TESC: variants seen among roughly 807,000 people sequenced by gnomAD.
The protein encoded by TESC is tescalcin.
Under a neutral mutation model 31.0 loss-of-function variants are expected in TESC, and 19 were observed. The ratio of observed to expected loss-of-function variants is 0.61; its 90% CI spans 0.43 to 0.90. TESC has a LOEUF of 0.90. Ranked by LOEUF, TESC falls within the 40% of genes least tolerant of loss-of-function variation. The probability of loss-of-function intolerance (pLI) is 0.00; values close to 1 mark genes in which losing one functional copy is unlikely to be tolerated. For synonymous variants in TESC, 109 were observed against 114.8 expected, an observed-to-expected ratio of 0.95 and a Z score of 0.32; for missense variants, 248 against 303.8, an observed-to-expected ratio of 0.82 and a Z score of 1.36.
Position 117,054,896 on chromosome 12 carries a change from C to T in TESC, c.209+1910G>A, listed in dbSNP as rs566061417. The stretch of plus-strand genomic sequence containing the variant: ...CTGGCGGGCCTCACTGTGTCTGCCA[C>T]AGGCCCCAGCAGCATGGGGAGGGTA... On this transcript the variant is annotated intron_variant, in intron 3 of 7. Transcript: ENST00000335209. 1.4e-4 allele frequency among the ~76,000 whole-genome samples: 22 copies of T among 152,318 alleles called. 1 individual carries two copies. The highest frequency in any genetic ancestry group is 9.8e-4 in the Admixed American group (15 of 15,310).
intron 1 of TESC, among the ~76,000 whole-genome samples, chr12:117,088,611 G>A (rs1208609490): frequency 6.6e-6 from 1 of 151,710 alleles, no homozygotes; most frequent in African/African-American, 2.4e-5. Context: ...AACCTGGGAG[G>A]CGGAGGTGGC....
chr12:117,048,620 T>C (rs1037891969), intron 4 of TESC: 25 of 439,040 alleles, frequency 5.7e-5, no homozygotes, highest in African/African-American at 4.4e-4. Context: ...GCGCTTCCTG[T>C]GTGCCAAAGG....
At position 117,039,676 on chromosome 12, in the gene TESC, C is replaced by T. The variant is rs191078192; in HGVS notation, c.568-466G>A. 7.7e-4 allele frequency among the ~76,000 whole-genome samples: 117 copies of T among 152,312 alleles called. 1 individual carries two copies. The highest frequency in any genetic ancestry group is 7.0e-3 in the Admixed American group (107 of 15,302). ...TAGGGGCTGTGCGGTCACAAGGCTTCGCTAGGCCATCGTCATCAATTTAAG... is the reference window on the plus strand; with the variant it reads ...TAGGGGCTGTGCGGTCACAAGGCTTTGCTAGGCCATCGTCATCAATTTAAG... On this transcript the variant is annotated intron_variant, in intron 7 of 7. Transcript: ENST00000335209.
At chr12:117,086,268 A>ATT (rs113210754) in intron 1 of TESC, among the ~76,000 whole-genome samples, 2,743 of 148,124 alleles carry the variant, frequency 0.019, 94 homozygotes, top group African/African-American at 0.065. Context: ...ATACACTTTA[A>ATT]TTTTTTTTTT....
chr12:117,075,375 G>T (rs1565971107), intron 1 of TESC, 35 bp from the exon 2 acceptor site: 1 of 1,581,626 alleles, frequency 6.3e-7, no homozygotes. Flanking sequence ...AAACAAGACA[G>T]AAAAAAAAAT....
chr12:117,044,746 A>C (rs1954532133), intron 6 of TESC, among the ~76,000 whole-genome samples: 1 of 152,066 alleles, frequency 6.6e-6, no homozygotes, highest in Non-Finnish European at 1.5e-5. Flanking sequence ...AAAATACAAA[A>C]ATTAGCCGGG....
intron 6 of TESC, among the ~76,000 whole-genome samples, chr12:117,044,897 G>A (rs933611579): frequency 4.3e-5 from 6 of 138,726 alleles, no homozygotes; most frequent in African/African-American, 1.1e-4. Flanking sequence ...ACTTGGTCTC[G>A]GGAAAAAAAG....
chr12:117,086,701 G>A (rs1048890196), intron 1 of TESC, among the ~76,000 whole-genome samples: 4 of 152,182 alleles, frequency 2.6e-5, no homozygotes, highest in African/African-American at 9.7e-5. Context: ...GCCTCCCAAA[G>A]TGCTGAGATT....
intron 1 of TESC, among the ~76,000 whole-genome samples, chr12:117,084,953 A>G (rs905262962): frequency 2.6e-5 from 4 of 152,194 alleles, no homozygotes; most frequent in Admixed American, 1.3e-4. Context: ...GGTGCTTGCT[A>G]GAGGCCAGGA....
At chr12:117,056,011 C>A (rs1005975211) in intron 3 of TESC, among the ~76,000 whole-genome samples, 1 of 150,524 alleles carries the variant, frequency 6.6e-6, no homozygotes, top group Non-Finnish European at 1.5e-5. Flanking sequence ...ACGTCCGCCT[C>A]CCGGGTTCAA....
chr12:117,089,586 A>G (rs577477788), intron 1 of TESC, among the ~76,000 whole-genome samples: 58 of 152,314 alleles, frequency 3.8e-4, no homozygotes, highest in African/African-American at 1.3e-3. Flanking sequence ...ACTATATAGC[A>G]CTTATAAACT....
chr12:117,072,841 A>G (rs1368956274), intron 2 of TESC, among the ~76,000 whole-genome samples: 1 of 151,984 alleles, frequency 6.6e-6, no homozygotes, highest in East Asian at 1.9e-4. Context: ...ACAGTGGTGC[A>G]CTCATAGCCC....
At chr12:117,075,228 G>A (rs774487162) in intron 2 of TESC, 43 bp downstream of exon 2, 18 of 1,588,174 alleles carry the variant, frequency 1.1e-5, no homozygotes, top group Non-Finnish European at 1.5e-5. Context: ...AAATTTGCAA[G>A]GGCATGGCCC....
chr12:117,074,756 C>T (rs1018747353), intron 2 of TESC, among the ~76,000 whole-genome samples: 4 of 152,194 alleles, frequency 2.6e-5, no homozygotes, highest in African/African-American at 7.2e-5. Context: ...AGCCCTTCCT[C>T]GCTTCCACGA....
chr12:117,074,524 C>A (rs1593013915), intron 2 of TESC, among the ~76,000 whole-genome samples: 1 of 152,172 alleles, frequency 6.6e-6, no homozygotes, highest in South Asian at 2.1e-4. Flanking sequence ...GCGGCCACCC[C>A]CATCTTGCCT....
intron 1 of TESC, among the ~76,000 whole-genome samples, chr12:117,097,261 A>G (rs1040646103): frequency 6.6e-6 from 1 of 152,192 alleles, no homozygotes; most frequent in African/African-American, 2.4e-5. Flanking sequence ...TGGGTTATGA[A>G]GTCTGAGCTC....
At chr12:117,064,422 C>G (rs1409743838) in intron 2 of TESC, among the ~76,000 whole-genome samples, 1 of 152,198 alleles carries the variant, frequency 6.6e-6, no homozygotes, top group African/African-American at 2.4e-5. Context: ...CAAGACCACT[C>G]CCCCAGGCAA....
At chr12:117,064,518 CAGCGACA>C (rs757378264) in intron 2 of TESC, among the ~76,000 whole-genome samples, 9 of 152,208 alleles carry the variant, frequency 5.9e-5, no homozygotes, top group Non-Finnish European at 1.2e-4. Context: ...GAAAGCAACT[CAGCGACA>C]AGCATTCGAG....
chr12:117,048,281 G>C (rs1248745211), intron 4 of TESC, among the ~76,000 whole-genome samples: 1 of 152,210 alleles, frequency 6.6e-6, no homozygotes, highest in Admixed American at 6.5e-5. Flanking sequence ...CAGGAAGCCA[G>C]GCTCACACCA....
Sources: allele counts gnomAD v4.1 joint callset (sites outside exome capture counted in the v4.1 genomes callset), GRCh38; gene constraint gnomAD v4.1.1; transcripts MANE v1.5; gene names NCBI Gene and HGNC (gene_info 2026-07-23, HGNC 2026-07-21).